Variants in CEP112 observed in about 807,000 individuals in gnomAD.
CEP112 encodes the protein centrosomal protein of 112 kDa.
In CEP112, 127 loss-of-function variants were observed where a neutral mutation model predicts 153.0. The ratio of observed to expected loss-of-function variants is 0.83; its 90% confidence interval spans 0.72 to 0.96. The LOEUF (loss-of-function observed/expected upper bound fraction) is 0.96, where lower values mean the gene tolerates loss of function less well. Ranked by LOEUF, CEP112 falls within the 40% of genes least tolerant of loss-of-function variation. CEP112 has a pLI of 0.00. For missense variants in CEP112, 1,089 were observed against 1,101.2 expected, an observed-to-expected ratio of 0.99 and a Z score of 0.16; for synonymous variants, 358 against 374.4, an observed-to-expected ratio of 0.96 and a Z score of 0.51.
intron 4 of CEP112, among the ~76,000 whole-genome samples, chr17:66,142,628 C>T (rs2070752358): frequency 6.6e-6 from 1 of 152,208 alleles, no homozygotes; most frequent in East Asian, 1.9e-4. Context: ...ATTGTGTGTT[C>T]TTGGCACCTC....
intron 19 of CEP112, among the ~76,000 whole-genome samples, chr17:65,913,140 T>A (rs1334573091): frequency 1.3e-5 from 2 of 152,236 alleles, no homozygotes; most frequent in Non-Finnish European, 2.9e-5. Context: ...AAAATTTGCA[T>A]CTGCAAAATT....
chr17:66,095,501 G>C (rs186328667), intron 8 of CEP112, among the ~76,000 whole-genome samples: 30 of 152,240 alleles, frequency 2.0e-4, no homozygotes, highest in Admixed American at 2.0e-3. Context: ...TGGTGGTTAT[G>C]AGGCCAGGCG....
chr17:65,746,014 A>G (rs1000414394), intron 22 of CEP112, among the ~76,000 whole-genome samples: 1 of 151,914 alleles, frequency 6.6e-6, no homozygotes, highest in African/African-American at 2.4e-5. Context: ...AAATACAAAA[A>G]ATTAGCTGGG....
chr17:65,949,512 G>C (rs1310860348), intron 18 of CEP112, among the ~76,000 whole-genome samples: 2 of 152,154 alleles, frequency 1.3e-5, no homozygotes, highest in Non-Finnish European at 2.9e-5. Flanking sequence ...GTATGTGGGG[G>C]GAATTTGAGG....
At chr17:66,148,939 C>T (rs966524171) in intron 4 of CEP112, among the ~76,000 whole-genome samples, 1 of 152,146 alleles carries the variant, frequency 6.6e-6, no homozygotes, top group African/African-American at 2.4e-5. Flanking sequence ...TTCAGTCTTT[C>T]ACTATAAGAA....
intron 9 of CEP112, among the ~76,000 whole-genome samples, 168 bp from the exon 10 acceptor site, chr17:66,067,045 A>G (rs2067149355): frequency 6.6e-6 from 1 of 151,908 alleles, no homozygotes. Flanking sequence ...ACACACACAC[A>G]CACACACACA....
intron 21 of CEP112, among the ~76,000 whole-genome samples, chr17:65,819,252 T>C (rs1454219791): frequency 6.6e-6 from 1 of 151,986 alleles, no homozygotes; most frequent in Non-Finnish European, 1.5e-5. Flanking sequence ...TCTTTTATTT[T>C]CTGTTAGCTG....
At chr17:66,054,650 G>A (rs1373076) in intron 11 of CEP112, among the ~76,000 whole-genome samples, 86,263 of 151,708 alleles carry the variant, frequency 0.57, 25,655 homozygotes, top group African/African-American at 0.67. Context: ...ATCTTAATGG[G>A]GGTACAACTC....
Position 66,184,481 on chromosome 17 carries a change from C to T in CEP112, c.-8-1174G>A, listed in dbSNP as rs2072848387. Reference sequence around the variant, plus strand: ...TCAGCAAAAAAAATTAGTCCCTTTACCAAAGAAGAAATACAGATGGCAAGT... The same window carrying T: ...TCAGCAAAAAAAATTAGTCCCTTTATCAAAGAAGAAATACAGATGGCAAGT... On this transcript the variant is annotated intron_variant, in intron 1 of 26. Coordinates refer to ENST00000535342, the MANE Select transcript of CEP112 (RefSeq NM_001199165.4). Among the ~76,000 whole-genome samples, 6 of 152,060 alleles carry T rather than the reference C, an allele frequency of 3.9e-5. No individual in the cohort carries two copies. The South Asian group carries it at 1.2e-3, about 32-fold the overall frequency.
At chr17:65,799,112 T>C (rs919975299) in intron 21 of CEP112, among the ~76,000 whole-genome samples, 2 of 152,212 alleles carry the variant, frequency 1.3e-5, no homozygotes, top group South Asian at 2.1e-4. Context: ...TAATGTAGTA[T>C]TTAATTCTCT....
At chr17:65,818,944 G>GA (rs1277108349) in intron 21 of CEP112, among the ~76,000 whole-genome samples, 5 of 151,714 alleles carry the variant, frequency 3.3e-5, no homozygotes, top group East Asian at 3.9e-4. Flanking sequence ...CATTCTAAGG[G>GA]AAAAAAATAT....
chr17:66,037,025 T>A (rs2065767643), intron 12 of CEP112, among the ~76,000 whole-genome samples: 1 of 152,150 alleles, frequency 6.6e-6, no homozygotes. Flanking sequence ...GCTAGTGAAA[T>A]TCTACTCATT....
intron 18 of CEP112, among the ~76,000 whole-genome samples, chr17:65,949,076 T>A (rs1272591887): frequency 6.6e-6 from 1 of 152,212 alleles, no homozygotes; most frequent in Admixed American, 6.5e-5. Context: ...CTGATTGATT[T>A]CTTTTAGAAT....
At chr17:65,969,029 C>T (rs1364623460) in intron 17 of CEP112, among the ~76,000 whole-genome samples, 1 of 151,382 alleles carries the variant, frequency 6.6e-6, no homozygotes, top group Admixed American at 6.6e-5. Context: ...AGTATTAGAA[C>T]TGCAAAAATG....
chr17:65,954,540 G>A (rs2061942536), intron 18 of CEP112, among the ~76,000 whole-genome samples: 1 of 152,096 alleles, frequency 6.6e-6, no homozygotes, highest in Admixed American at 6.5e-5. Flanking sequence ...AAAGAATTCA[G>A]AAGGTCAATT....
intron 4 of CEP112, among the ~76,000 whole-genome samples, chr17:66,149,567 T>G (rs922941106): frequency 2.0e-5 from 3 of 152,184 alleles, no homozygotes; most frequent in Non-Finnish European, 4.4e-5. Flanking sequence ...GGTCATGTGT[T>G]GTGAGAAATT....
chr17:65,846,546 G>A (rs925238956), intron 21 of CEP112, among the ~76,000 whole-genome samples: 3 of 152,042 alleles, frequency 2.0e-5, no homozygotes, highest in African/African-American at 7.2e-5. Flanking sequence ...TTTCTCAGTA[G>A]ATTATCATTC....
intron 23 of CEP112, among the ~76,000 whole-genome samples, chr17:65,699,970 T>C (rs1187912887): frequency 6.6e-6 from 1 of 152,208 alleles, no homozygotes; most frequent in East Asian, 1.9e-4. Context: ...TCCACAACTC[T>C]ATTCTCCTGG....
At chr17:65,874,169 T>C (rs963689778) in intron 20 of CEP112, among the ~76,000 whole-genome samples, 3 of 152,146 alleles carry the variant, frequency 2.0e-5, no homozygotes, top group Non-Finnish European at 4.4e-5. Flanking sequence ...ATGATAAAAA[T>C]GGGTGCTCAA....
Sources: allele counts gnomAD v4.1 joint callset (sites outside exome capture counted in the v4.1 genomes callset), GRCh38; gene constraint gnomAD v4.1.1; transcripts MANE v1.5; gene names NCBI Gene and HGNC (gene_info 2026-07-23, HGNC 2026-07-21).